CDH8: variants seen among roughly 807,000 people sequenced by gnomAD.
The protein encoded by CDH8 is cadherin 8, also known as cadherin-8.
CDH8 carries 17 observed loss-of-function variants against 68.1 expected under a neutral mutation model. The observed-to-expected ratio is 0.25, with a 90% CI of 0.17 to 0.37. CDH8 has a LOEUF of 0.37. CDH8 is among the 10% of genes least tolerant of loss of function. CDH8 has a pLI of 1.00. For synonymous variants in CDH8, 372 were observed against 365.1 expected, an observed-to-expected ratio of 1.02 and a Z score of -0.21; for missense variants, 763 against 999.3, an observed-to-expected ratio of 0.76 and a Z score of 3.19.
chr16:61,911,024 C>T lies in CDH8; in HGVS notation c.253-9551G>A, dbSNP rs115213298. 9.2e-3 allele frequency among the ~76,000 whole-genome samples: 1,395 copies of T among 152,020 alleles called. 25 individuals carry two copies. Among genetic ancestry groups the T allele is most frequent in the African/African-American group, 0.031 (1,294 of 41,464 alleles). The stretch of plus-strand genomic sequence containing the variant: ...TCTTGTTTACTTAATAATTATAAGC[C>T]TAGACATGGGAAGAGGGTGGTCGAT... On this transcript the variant is annotated intron_variant, in intron 2 of 11. Coordinates refer to ENST00000577390, the MANE Select transcript of CDH8 (RefSeq NM_001796.5).
rs563480805 is a variant in CDH8, at chr16:61,906,068, G to A, written c.253-4595C>T. Among the ~76,000 whole-genome samples the A allele has an allele frequency of 2.6e-5, 4 of 152,104 alleles. No homozygotes were observed. In the East Asian group the frequency reaches 7.7e-4, roughly 29 times the overall value. ...GGAAAAGAAAGGTAATAAGAAATAA[G>A]AATAAGAGAGCAAGACAGGGGCCAC... On this transcript the variant is annotated intron_variant, in intron 2 of 11. Coordinates refer to ENST00000577390, the MANE Select transcript of CDH8 (RefSeq NM_001796.5).
chr16:61,974,202 T>C (rs984108876), intron 2 of CDH8, among the ~76,000 whole-genome samples: 1 of 152,140 alleles, frequency 6.6e-6, no homozygotes, highest in Non-Finnish European at 1.5e-5. Context: ...TAGTGTTCTA[T>C]GGAAAAAAAA....
chr16:61,752,829 T>C (rs1960203983), intron 8 of CDH8, among the ~76,000 whole-genome samples: 1 of 152,184 alleles, frequency 6.6e-6, no homozygotes, highest in Non-Finnish European at 1.5e-5. Flanking sequence ...TTGAAGGCAT[T>C]AAGCTGGAGG....
At chr16:62,008,477 CTA>C (rs1901724174) in intron 2 of CDH8, among the ~76,000 whole-genome samples, 1 of 151,738 alleles carries the variant, frequency 6.6e-6, no homozygotes, top group Non-Finnish European at 1.5e-5. Context: ...ATGGAAGAAA[CTA>C]TAGGAACATT....
At chr16:61,665,805 T>TTCC (rs1555500910) in intron 10 of CDH8, among the ~76,000 whole-genome samples, 3 of 97,610 alleles carry the variant, frequency 3.1e-5, no homozygotes, top group East Asian at 3.0e-4. Context: ...CCTTCCTTCC[T>TTCC]TTCCCTCCTT....
At chr16:61,870,392 G>A (rs1217733829) in intron 3 of CDH8, among the ~76,000 whole-genome samples, 5 of 152,134 alleles carry the variant, frequency 3.3e-5, no homozygotes, top group Non-Finnish European at 7.4e-5. Context: ...GGAGCATTGG[G>A]AAATGTCTAA....
chr16:62,023,672 G>T (rs774984119), intron 1 of CDH8, among the ~76,000 whole-genome samples: 2 of 152,116 alleles, frequency 1.3e-5, no homozygotes, highest in Non-Finnish European at 2.9e-5. Context: ...TAAGGTATGA[G>T]GGTGTCACAA....
intron 10 of CDH8, among the ~76,000 whole-genome samples, chr16:61,685,365 C>T (rs1964087550): frequency 6.6e-6 from 1 of 151,696 alleles, no homozygotes; most frequent in African/African-American, 2.4e-5. Context: ...TTAAAGGAGA[C>T]ATTTGAGCAG....
chr16:62,017,812 C>G (rs188293509), intron 2 of CDH8, among the ~76,000 whole-genome samples: 3 of 152,234 alleles, frequency 2.0e-5, no homozygotes, highest in African/African-American at 7.2e-5. Context: ...GCATAAACTC[C>G]TCTATCTTGC....
At chr16:62,016,278 T>C (rs990948352) in intron 2 of CDH8, among the ~76,000 whole-genome samples, 5 of 152,218 alleles carry the variant, frequency 3.3e-5, no homozygotes, top group Non-Finnish European at 7.3e-5. Context: ...TGTCTCCCTC[T>C]AGGAGCTCAT....
At chr16:61,767,485 G>A (rs754625152) in intron 8 of CDH8, among the ~76,000 whole-genome samples, 13 of 151,804 alleles carry the variant, frequency 8.6e-5, no homozygotes, top group South Asian at 6.2e-4. Flanking sequence ...TTGAGGCTTC[G>A]CTGTAGTAAA....
chr16:61,996,511 C>T (rs781772903), intron 2 of CDH8, among the ~76,000 whole-genome samples: 4 of 152,036 alleles, frequency 2.6e-5, no homozygotes, highest in South Asian at 2.1e-4. Context: ...TATATGTAAT[C>T]GTATAATATT....
intron 2 of CDH8, among the ~76,000 whole-genome samples, chr16:61,957,454 A>T (rs1368749916): frequency 2.6e-5 from 4 of 152,224 alleles, no homozygotes; most frequent in Non-Finnish European, 5.9e-5. Context: ...TATGAAAAAG[A>T]ACACTAGTTA....
In CDH8 at chr16:61,858,135, C is replaced by T. The variant is rs368089271; in HGVS notation, c.548-897G>A. 7.2e-5 allele frequency among the ~76,000 whole-genome samples: 11 copies of T among 151,746 alleles called. No individual in the cohort carries two copies. In the South Asian group the frequency reaches 2.1e-3, roughly 29 times the overall value. On this transcript the variant is annotated intron_variant, in intron 3 of 11. Coordinates refer to ENST00000577390, the MANE Select transcript of CDH8 (RefSeq NM_001796.5). ...CTTTACACTCAAAAAGCTCGCAGTT[C>T]GAGGGGGAATAAGAGGAGGAAGGGT...
At chr16:61,864,327 T>C (rs1054599835) in intron 3 of CDH8, among the ~76,000 whole-genome samples, 4 of 151,744 alleles carry the variant, frequency 2.6e-5, no homozygotes, top group African/African-American at 9.7e-5. Context: ...GGTTGGTTGG[T>C]TGGTTGGTTG....
chr16:61,954,415 C>A (rs557336847), intron 2 of CDH8, among the ~76,000 whole-genome samples: 14 of 151,952 alleles, frequency 9.2e-5, no homozygotes, highest in East Asian at 1.9e-4. Context: ...ATCCGTAGAA[C>A]CTACAATTAA....
At chr16:61,665,631 T>A (rs774360473) in intron 10 of CDH8, among the ~76,000 whole-genome samples, 1 of 151,852 alleles carries the variant, frequency 6.6e-6, no homozygotes, top group African/African-American at 2.4e-5. Context: ...GCAACAAACC[T>A]GAACGTTCTT....
chr16:61,716,718 A>G (rs1169129963), intron 9 of CDH8, among the ~76,000 whole-genome samples: 1 of 151,724 alleles, frequency 6.6e-6, no homozygotes, highest in African/African-American at 2.4e-5. Flanking sequence ...TCTTCCAAAT[A>G]TCCCATAAAC....
chr16:62,012,859 C>G (rs927383037), intron 2 of CDH8, among the ~76,000 whole-genome samples: 5 of 152,016 alleles, frequency 3.3e-5, no homozygotes, highest in African/African-American at 1.2e-4. Flanking sequence ...TATAATCATG[C>G]ATTTGGGATT....
Sources: allele counts gnomAD v4.1 joint callset (sites outside exome capture counted in the v4.1 genomes callset), GRCh38; gene constraint gnomAD v4.1.1; transcripts MANE v1.5; gene names NCBI Gene and HGNC (gene_info 2026-07-23, HGNC 2026-07-21).